The following MAML3 variants were observed in gnomAD, a reference collection of about 807,000 sequenced individuals.
The protein encoded by MAML3 is mastermind like transcriptional coactivator 3, also known as mastermind-like protein 3.
MAML3 carries 27 observed loss-of-function variants against 101.9 expected under a neutral mutation model. That is an observed-to-expected ratio of 0.27 (90% confidence interval 0.20 to 0.37). The LOEUF (loss-of-function observed/expected upper bound fraction) is 0.37. MAML3 is among the 10% of genes least tolerant of loss of function. MAML3 has a pLI of 1.00. For missense variants in MAML3, 1,316 were observed against 1,444.9 expected, an observed-to-expected ratio of 0.91 and a Z score of 1.45; for synonymous variants, 501 against 555.9, an observed-to-expected ratio of 0.90 and a Z score of 1.39.
intron 1 of MAML3, among the ~76,000 whole-genome samples, chr4:140,100,383 A>G (rs1728235234): frequency 6.6e-6 from 1 of 152,206 alleles, no homozygotes; most frequent in Non-Finnish European, 1.5e-5. Context: ...ACCAAATTGT[A>G]TTCATTTTTA....
intron 2 of MAML3, among the ~76,000 whole-genome samples, chr4:139,807,234 G>A (rs978530065): frequency 2.6e-5 from 4 of 152,030 alleles, no homozygotes; most frequent in Admixed American, 1.3e-4. Flanking sequence ...CTTGCCATTC[G>A]GAAAGCTGCT....
intron 2 of MAML3, among the ~76,000 whole-genome samples, chr4:139,771,622 A>ATATTATTAT (rs1729981955): frequency 6.6e-6 from 1 of 152,238 alleles, no homozygotes; most frequent in African/African-American, 2.4e-5. Context: ...TCTAGAGTTT[A>ATATTATTAT]GCTGGCGGAA....
intron 1 of MAML3, among the ~76,000 whole-genome samples, chr4:140,082,987 CT>C (rs1254353377): frequency 6.6e-6 from 1 of 152,162 alleles, no homozygotes; most frequent in Non-Finnish European, 1.5e-5. Context: ...GCTATTACTA[CT>C]TTTTGAAAAC....
chr4:139,727,787 A>C (rs1728536458), intron 3 of MAML3, among the ~76,000 whole-genome samples: 1 of 152,184 alleles, frequency 6.6e-6, no homozygotes, highest in Non-Finnish European at 1.5e-5. Flanking sequence ...TAAGATCCCA[A>C]ATCCTTCTGT....
chr4:139,924,805 CT>C (rs1163125226), intron 1 of MAML3, among the ~76,000 whole-genome samples: 3 of 152,178 alleles, frequency 2.0e-5, no homozygotes, highest in Non-Finnish European at 4.4e-5. Flanking sequence ...CATCTACTAC[CT>C]TCTCTGGGAA....
intron 1 of MAML3, among the ~76,000 whole-genome samples, chr4:139,991,943 A>C (rs1406435025): frequency 2.0e-5 from 3 of 152,122 alleles, no homozygotes; most frequent in Non-Finnish European, 4.4e-5. Flanking sequence ...TGCAATCATC[A>C]CCACAATCCA....
Position 139,997,136 on chromosome 4 carries a change from G to GTA in MAML3, c.469-106171_469-106170dup, listed in dbSNP as rs928012829. ...CAAAAAAATATTTATATATATATGT[G>GTA]TATATATATATACACACACATTATA... On this transcript the variant is annotated intron_variant, in intron 1 of 4. Coordinates refer to ENST00000509479, the MANE Select transcript of MAML3 (RefSeq NM_018717.5). Among the ~76,000 whole-genome samples the GTA allele has an allele frequency of 2.2e-4, 32 of 148,770 alleles. No homozygotes were observed. The South Asian group carries it at 2.3e-3, about 11-fold the overall frequency.
At chr4:140,024,922 A>G (rs1351506532) in intron 1 of MAML3, among the ~76,000 whole-genome samples, 1 of 152,240 alleles carries the variant, frequency 6.6e-6, no homozygotes, top group African/African-American at 2.4e-5. Flanking sequence ...CATCCAAAAT[A>G]TTCTGAAAAA....
intron 4 of MAML3, among the ~76,000 whole-genome samples, chr4:139,723,094 G>A (rs1258291286): frequency 2.0e-5 from 3 of 152,188 alleles, no homozygotes; most frequent in East Asian, 1.9e-4. Context: ...ATTGGTTGAG[G>A]ATGATATCAT....
At chr4:139,873,627 C>A (rs1289207948) in intron 2 of MAML3, among the ~76,000 whole-genome samples, 2 of 152,164 alleles carry the variant, frequency 1.3e-5, no homozygotes, top group Non-Finnish European at 2.9e-5. Context: ...GAAGCTGACT[C>A]AGGGGAAGCC....
chr4:140,000,343 A>C (rs777105404), intron 1 of MAML3, among the ~76,000 whole-genome samples: 25 of 152,132 alleles, frequency 1.6e-4, no homozygotes, highest in Non-Finnish European at 2.5e-4. Context: ...AGAAAAAAAA[A>C]AACAACACAG....
chr4:140,109,109 G>A (rs1366665862), intron 1 of MAML3, among the ~76,000 whole-genome samples: 1 of 152,136 alleles, frequency 6.6e-6, no homozygotes, highest in African/African-American at 2.4e-5. Context: ...ACATTTGAAG[G>A]TTTCAGTTGA....
At chr4:140,075,399 T>C (rs895369167) in intron 1 of MAML3, among the ~76,000 whole-genome samples, 1 of 152,252 alleles carries the variant, frequency 6.6e-6, no homozygotes, top group Non-Finnish European at 1.5e-5. Flanking sequence ...TCTTGTGCTC[T>C]TAACATCAAA....
chr4:140,073,282 C>A lies in MAML3; in HGVS notation c.468+79578G>T, dbSNP rs562898365. ...CCTCCCAAGTAGCTGGGATTATAGG[C>A]GCCTGCCACCATGCCCGGCTAATTT... On this transcript the variant is annotated intron_variant, in intron 1 of 4. Coordinates refer to ENST00000509479, the MANE Select transcript of MAML3 (RefSeq NM_018717.5). Among the ~76,000 whole-genome samples, 96 of 151,438 alleles carry A rather than the reference C, an allele frequency of 6.3e-4. No individual in the cohort carries two copies. In the Middle Eastern group the frequency reaches 0.02, roughly 32 times the overall value.
chr4:140,013,528 AT>A (rs1290796993), intron 1 of MAML3, among the ~76,000 whole-genome samples: 1 of 152,220 alleles, frequency 6.6e-6, no homozygotes, highest in African/African-American at 2.4e-5. Context: ...TCAAGAAAAA[AT>A]ATACACCTAC....
intron 1 of MAML3, among the ~76,000 whole-genome samples, chr4:140,019,316 T>G (rs1726696791): frequency 6.6e-6 from 1 of 152,256 alleles, no homozygotes; most frequent in Non-Finnish European, 1.5e-5. Flanking sequence ...TTAGTCACCC[T>G]GTAATTAATT....
intron 1 of MAML3, among the ~76,000 whole-genome samples, chr4:140,075,762 G>T (rs1013829046): frequency 6.7e-6 from 1 of 149,664 alleles, no homozygotes; most frequent in African/African-American, 2.5e-5. Flanking sequence ...AGTCTTTTTT[G>T]GGGGTGGGGG....
intron 1 of MAML3, among the ~76,000 whole-genome samples, chr4:140,102,278 T>G (rs13147071): frequency 0.18 from 27,749 of 152,178 alleles, 3,034 homozygotes; most frequent in Middle Eastern, 0.35. Context: ...GGAAATGGAA[T>G]CCTAGAGAGA....
chr4:140,147,031 G>A (rs1729075752), intron 1 of MAML3, among the ~76,000 whole-genome samples: 1 of 150,884 alleles, frequency 6.6e-6, no homozygotes, highest in Non-Finnish European at 1.5e-5. Context: ...TACTCGGGAG[G>A]CTGAGGCAGG....
Sources: allele counts gnomAD v4.1 joint callset (sites outside exome capture counted in the v4.1 genomes callset), GRCh38; gene constraint gnomAD v4.1.1; transcripts MANE v1.5; gene names NCBI Gene and HGNC (gene_info 2026-07-23, HGNC 2026-07-21).